Variants in FARP1 observed in about 807,000 individuals in gnomAD.
FARP1 encodes FERM, ARH/RhoGEF and pleckstrin domain protein 1, also known as FERM, ARHGEF and pleckstrin domain-containing protein 1.
FARP1 carries 52 observed loss-of-function variants against 128.8 expected under a neutral mutation model. The ratio of observed to expected loss-of-function variants is 0.40; its 90% CI spans 0.32 to 0.51. The LOEUF (loss-of-function observed/expected upper bound fraction) is 0.51. Among genes scored for constraint, FARP1 ranks in the 20% least tolerant of loss-of-function variants. The pLI is 0.45. For synonymous variants in FARP1, 580 were observed against 551.8 expected (o/e 1.05, Z -0.72); for missense variants, 1,333 against 1,367.9 (o/e 0.97, Z 0.40).
chr13:98,322,219 A>G (rs1402608914), intron 2 of FARP1, among the ~76,000 whole-genome samples: 2 of 152,156 alleles, frequency 1.3e-5, no homozygotes, highest in Non-Finnish European at 2.9e-5. Flanking sequence ...AATCACTTGA[A>G]CCTGGGAGGC....
chr13:98,256,568 C>CT (rs1343155562), intron 2 of FARP1, among the ~76,000 whole-genome samples: 3 of 130,682 alleles, frequency 2.3e-5, no homozygotes, highest in Admixed American at 7.5e-5. Flanking sequence ...TTTTTTTTTT[C>CT]TTTTTTTTGG....
At chr13:98,162,531 C>T (rs563669722) in intron 1 of FARP1, among the ~76,000 whole-genome samples, 2 of 152,302 alleles carry the variant, frequency 1.3e-5, no homozygotes, top group African/African-American at 2.4e-5. Flanking sequence ...CCTTGAACCT[C>T]TCAAACCTGG....
intron 13 of FARP1, chr13:98,395,992 C>G (rs1321426455): frequency 5.0e-6 from 2 of 399,066 alleles, no homozygotes; most frequent in African/African-American, 4.1e-5. Flanking sequence ...TCTCCCGGAC[C>G]AGGGTCCTCC....
intron 2 of FARP1, among the ~76,000 whole-genome samples, chr13:98,300,196 G>A (rs1378353072): frequency 6.6e-6 from 1 of 152,210 alleles, no homozygotes; most frequent in Non-Finnish European, 1.5e-5. Flanking sequence ...TGTTAGGTTA[G>A]GAGGTCTGGA....
intron 1 of FARP1, among the ~76,000 whole-genome samples, chr13:98,205,530 C>T (rs1306477367): frequency 2.0e-5 from 3 of 152,038 alleles, no homozygotes; most frequent in Non-Finnish European, 4.4e-5. Context: ...GTAGCTGGGA[C>T]TTCAGGTGCC....
At chr13:98,357,560 C>T (rs868603865) in intron 3 of FARP1, among the ~76,000 whole-genome samples, 3 of 151,944 alleles carry the variant, frequency 2.0e-5, no homozygotes, top group African/African-American at 7.2e-5. Flanking sequence ...CATTTTATAT[C>T]TCACAGTATA....
intron 1 of FARP1, among the ~76,000 whole-genome samples, chr13:98,200,905 C>T (rs1476753717): frequency 1.3e-5 from 2 of 151,336 alleles, no homozygotes; most frequent in African/African-American, 4.9e-5. Context: ...AGTCTTTTAT[C>T]TTTTTAAAAT....
chr13:98,364,682 A>G (rs575157258), intron 3 of FARP1, among the ~76,000 whole-genome samples: 1 of 152,364 alleles, frequency 6.6e-6, no homozygotes, highest in South Asian at 2.1e-4. Context: ...TGGGATGGTC[A>G]ACTTACATTT....
At chr13:98,328,995 T>A (rs528874986) in intron 2 of FARP1, 4 of 152,348 alleles carry the variant, frequency 2.6e-5, no homozygotes, top group African/African-American at 9.6e-5. Context: ...GGGAGGGGCC[T>A]CCTGTACTCC....
intron 2 of FARP1, among the ~76,000 whole-genome samples, chr13:98,308,261 G>C (rs777111812): frequency 6.6e-5 from 10 of 152,118 alleles, no homozygotes; most frequent in Non-Finnish European, 1.5e-4. Context: ...GTGTTAATCA[G>C]GTAGTAGGTG....
chr13:98,221,177 C>T (rs1881394066), intron 2 of FARP1, among the ~76,000 whole-genome samples: 1 of 152,208 alleles, frequency 6.6e-6, no homozygotes, highest in East Asian at 1.9e-4. Context: ...TCTGCAAAAA[C>T]ACCTTGCAGA....
rs376253360 is a variant in FARP1 at position 98,302,904 on chromosome 13, C to G, written c.172-40858C>G. 3.9e-5 allele frequency among the ~76,000 whole-genome samples: 6 copies of G among 152,182 alleles called. No individual in the cohort carries two copies. In the East Asian group the frequency reaches 7.7e-4, roughly 20 times the overall value. ...GAGAGCAGGGAGTATCAGGCCCCAA[C>G]GAGGAGAGCTCCTGAGCTGAGGGAG... is the stretch of plus-strand genomic sequence containing the variant. On this transcript the variant is annotated intron_variant, in intron 2 of 26. Transcript: ENST00000319562.
At chr13:98,240,773 C>T (rs1882721111) in intron 2 of FARP1, among the ~76,000 whole-genome samples, 1 of 152,148 alleles carries the variant, frequency 6.6e-6, no homozygotes, top group Admixed American at 6.5e-5. Flanking sequence ...GGTTTTGTGT[C>T]GTGTTCTAGT....
rs555597323 is a variant in FARP1 at position 98,146,566 on chromosome 13, T to G, written c.-24+3074T>G. The stretch of plus-strand genomic sequence containing the variant: ...TGATAGCATGGTGGACTGGACATTT[T>G]AAAGAAGCCCTTTGTAACTGGCCTT... On this transcript the variant is annotated intron_variant, in intron 1 of 26. Coordinates refer to ENST00000319562, the MANE Select transcript of FARP1 (RefSeq NM_005766.4). Among the ~76,000 whole-genome samples the G allele has an allele frequency of 1.6e-4, 24 of 152,348 alleles. No individual in the cohort carries two copies. The South Asian group carries it at 3.9e-3, about 25-fold the overall frequency.
intron 2 of FARP1, among the ~76,000 whole-genome samples, chr13:98,306,744 G>A (rs1168066453): frequency 2.6e-5 from 4 of 151,848 alleles, no homozygotes; most frequent in Non-Finnish European, 4.4e-5. Context: ...GGCTAGCCTC[G>A]AACTCCTGGC....
At chr13:98,304,906 T>C (rs1394580841) in intron 2 of FARP1, among the ~76,000 whole-genome samples, 1 of 152,192 alleles carries the variant, frequency 6.6e-6, no homozygotes, top group Non-Finnish European at 1.5e-5. Context: ...ACAAAGCATG[T>C]GCCACAAAGA....
chr13:98,311,636 G>A (rs1252212598), intron 2 of FARP1, among the ~76,000 whole-genome samples: 3 of 151,952 alleles, frequency 2.0e-5, no homozygotes, highest in Admixed American at 1.3e-4. Context: ...AATCCCAGCC[G>A]TATTCTGGTT....
At chr13:98,338,184 A>G (rs1442591410) in intron 2 of FARP1, among the ~76,000 whole-genome samples, 7 of 152,212 alleles carry the variant, frequency 4.6e-5, no homozygotes, top group African/African-American at 1.7e-4. Flanking sequence ...GGCATTAAGT[A>G]CATTCACTCA....
At position 98,440,737 on chromosome 13, in the gene FARP1, G is replaced by A. The variant is rs532279502; in HGVS notation, c.2697G>A (p.Ser899=). 44 of 1,613,476 alleles carry A rather than the reference G, an allele frequency of 2.7e-5. 1 individual carries two copies. In the South Asian group the frequency reaches 3.6e-4, roughly 13 times the overall value. The part of the protein sequence containing the change: ...SEDDLSASRT[S]LERQAPHRGN... Reference sequence around the variant, plus strand: ...ATGACCTGAGCGCCTCGCGCACATCGCTGGAGCGCCAGGCCCCGCACCGCG... The same window carrying A: ...ATGACCTGAGCGCCTCGCGCACATCACTGGAGCGCCAGGCCCCGCACCGCG... Residue 899 remains serine, a synonymous_variant, in exon 24 of 27, where the codon TCG becomes TCA. Coordinates refer to ENST00000319562, the MANE Select transcript of FARP1 (RefSeq NM_005766.4).
Sources: allele counts gnomAD v4.1 joint callset (sites outside exome capture counted in the v4.1 genomes callset), GRCh38; gene constraint gnomAD v4.1.1; transcripts MANE v1.5; gene names NCBI Gene and HGNC (gene_info 2026-07-23, HGNC 2026-07-21).